Variants in ST7 observed in about 807,000 individuals in gnomAD.
ST7 encodes suppression of tumorigenicity 7.
Under a neutral mutation model 78.7 loss-of-function variants are expected in ST7, and 28 were observed. That is an observed-to-expected ratio of 0.36 (90% CI 0.26 to 0.49). The LOEUF (loss-of-function observed/expected upper bound fraction) is 0.49. Among genes scored for constraint, ST7 ranks in the 20% least tolerant of loss-of-function variants. ST7 has a pLI of 0.99. For missense variants in ST7, 418 were observed against 696.0 expected (o/e 0.60, Z 4.49); for synonymous variants, 247 against 249.6 (o/e 0.99, Z 0.10).
intron 2 of ST7, among the ~76,000 whole-genome samples, chr7:117,118,606 A>G (rs1483187790): frequency 6.6e-6 from 1 of 152,230 alleles, no homozygotes; most frequent in Non-Finnish European, 1.5e-5. Context: ...TAGCTATCCT[A>G]TGAGACTCTG....
intron 8 of ST7, 174 bp downstream of exon 8, chr7:117,136,409 A>T: frequency 2.8e-6 from 2 of 707,380 alleles, no homozygotes; most frequent in Non-Finnish European, 4.7e-6. Context: ...GTAAATAATT[A>T]ACTTACAGCT....
chr7:117,050,862 G>A (rs978600874), intron 1 of ST7, among the ~76,000 whole-genome samples: 3 of 151,650 alleles, frequency 2.0e-5, no homozygotes, highest in South Asian at 2.1e-4. Flanking sequence ...CCCAGGAGGC[G>A]GAAGTTGCAG....
At chr7:117,160,175 G>A (rs908558668) in intron 9 of ST7, among the ~76,000 whole-genome samples, 7 of 150,312 alleles carry the variant, frequency 4.7e-5, no homozygotes, top group African/African-American at 7.4e-5. Context: ...GGAGGTTGCA[G>A]TGAGCCAAGA....
At chr7:117,044,395 A>G (rs1016923862) in intron 1 of ST7, among the ~76,000 whole-genome samples, 1 of 152,124 alleles carries the variant, frequency 6.6e-6, no homozygotes, top group Non-Finnish European at 1.5e-5. Context: ...TTTTCGAGAC[A>G]GAGTGCAGTG....
intron 1 of ST7, among the ~76,000 whole-genome samples, chr7:116,956,090 A>G (rs1160472191): frequency 6.6e-6 from 1 of 152,240 alleles, no homozygotes; most frequent in African/African-American, 2.4e-5. Flanking sequence ...ACATGAAATT[A>G]TAGCCACAAA....
intron 1 of ST7, among the ~76,000 whole-genome samples, chr7:116,995,477 G>A (rs1794612427): frequency 6.6e-6 from 1 of 152,170 alleles, no homozygotes. Flanking sequence ...GATATGATGG[G>A]CTAGAGGTGA....
At chr7:116,971,547 G>A (rs1793422568) in intron 1 of ST7, among the ~76,000 whole-genome samples, 1 of 151,808 alleles carries the variant, frequency 6.6e-6, no homozygotes, top group Admixed American at 6.6e-5. Context: ...AAATAATGTT[G>A]TCCAAAGGTA....
rs1483749777 is a variant in ST7 at position 117,097,901 on chromosome 7, TATATA to T, written c.152-1860_152-1856del. On this transcript the variant is annotated intron_variant, in intron 1 of 15. Coordinates refer to ENST00000323984, the MANE Select transcript of ST7 (RefSeq NM_001369598.1). Reference sequence around the variant, plus strand: ...ATCACTATATATATATATATATATATATATATATTTTTTTTTTTTTTTTTTTTGAT... The same window carrying T: ...ATCACTATATATATATATATATATATTATTTTTTTTTTTTTTTTTTTTGAT... 4.1e-4 allele frequency among the ~76,000 whole-genome samples: 15 copies of T among 36,340 alleles called. 1 individual carries two copies. The highest frequency in any genetic ancestry group is 1.8e-3 in the Admixed American group (5 of 2,846). The allele number at this position is 36,340 out of a possible 152,430, so 23.8% of individuals were successfully genotyped here.
Position 117,097,789 on chromosome 7 carries a change from C to T in ST7, c.152-1973C>T, listed in dbSNP as rs187304748. On this transcript the variant is annotated intron_variant, in intron 1 of 15. Transcript: ENST00000323984. ...CTTTTAAAAAATCTCCTTCCTTCCA[C>T]GAACAAACTGTTGCATGGGAAATGA... Among the ~76,000 whole-genome samples, 247 of 138,164 alleles carry T rather than the reference C, an allele frequency of 1.8e-3. 1 individual carries two copies. Among genetic ancestry groups the T allele is most frequent in the African/African-American group, 6.4e-3 (237 of 37,054 alleles). The allele number at this position is 138,164 out of a possible 152,430, so 90.6% of individuals were successfully genotyped here.
chr7:117,133,015 G>T (rs531901963), intron 6 of ST7, among the ~76,000 whole-genome samples: 1 of 151,712 alleles, frequency 6.6e-6, no homozygotes, highest in Non-Finnish European at 1.5e-5. Context: ...TCGTAGCTGC[G>T]GATCTTAAAT....
intron 6 of ST7, among the ~76,000 whole-genome samples, chr7:117,133,380 T>A (rs1450370518): frequency 6.6e-6 from 1 of 151,916 alleles, no homozygotes; most frequent in Non-Finnish European, 1.5e-5. Context: ...AATGGATCAA[T>A]TATTTGCTAT....
chr7:117,098,903 A>G, intron 1 of ST7: 2 of 1,163,850 alleles, frequency 1.7e-6, no homozygotes, highest in Non-Finnish European at 2.3e-6. Flanking sequence ...TGTATAAAAT[A>G]CTTGTAAGTG....
At chr7:117,107,430 TA>T (rs896760480) in intron 2 of ST7, among the ~76,000 whole-genome samples, 6 of 152,030 alleles carry the variant, frequency 3.9e-5, no homozygotes, top group African/African-American at 1.4e-4. Flanking sequence ...CCATATCTAT[TA>T]TTTTTTTACT....
At chr7:117,021,489 A>G (rs1584466571) in intron 1 of ST7, among the ~76,000 whole-genome samples, 1 of 152,368 alleles carries the variant, frequency 6.6e-6, no homozygotes, top group African/African-American at 2.4e-5. Flanking sequence ...AGAGCATTAA[A>G]TATTGGCAAG....
chr7:117,027,602 G>A (rs187114808), intron 1 of ST7, among the ~76,000 whole-genome samples: 1 of 152,118 alleles, frequency 6.6e-6, no homozygotes, highest in Admixed American at 6.5e-5. Context: ...TAGACTCTGG[G>A]CGGGACATGG....
At chr7:117,002,352 C>T (rs1020009547) in intron 1 of ST7, among the ~76,000 whole-genome samples, 1 of 152,038 alleles carries the variant, frequency 6.6e-6, no homozygotes, top group Non-Finnish European at 1.5e-5. Context: ...CTCAGCCTCT[C>T]GAGTAGCTGA....
chr7:117,003,170 A>C (rs781433296), intron 1 of ST7, among the ~76,000 whole-genome samples: 1 of 150,848 alleles, frequency 6.6e-6, no homozygotes, highest in Non-Finnish European at 1.5e-5. Flanking sequence ...TTTTTTTTTG[A>C]GACAAGGTCT....
intron 1 of ST7, among the ~76,000 whole-genome samples, chr7:117,077,517 T>C (rs1471781230): frequency 6.6e-6 from 1 of 152,198 alleles, no homozygotes; most frequent in African/African-American, 2.4e-5. Context: ...CACATATTTA[T>C]TGAAGATTCT....
At chr7:117,085,013 G>T (rs926217212) in intron 1 of ST7, among the ~76,000 whole-genome samples, 2 of 152,098 alleles carry the variant, frequency 1.3e-5, no homozygotes. Flanking sequence ...TCTGTGTAAT[G>T]CTTAAGTCAG....
Sources: gnomAD v4.1 joint callset for allele counts (sites outside exome capture counted in the v4.1 genomes callset) on GRCh38, gnomAD v4.1.1 for gene constraint, MANE v1.5 for transcripts, NCBI Gene and HGNC (gene_info 2026-07-23, HGNC 2026-07-21) for gene names.